The following STAT4 variants were observed in gnomAD, a reference collection of about 807,000 sequenced individuals.
STAT4 encodes signal transducer and activator of transcription 4.
A neutral mutation model predicts 110.5 loss-of-function variants in STAT4; 42 were observed. The observed-to-expected ratio is 0.38, with a 90% confidence interval of 0.30 to 0.49. The LOEUF (loss-of-function observed/expected upper bound fraction) is 0.49. Ranked by LOEUF, STAT4 falls within the 20% of genes least tolerant of loss-of-function variation. STAT4 has a pLI of 0.95. For synonymous variants in STAT4, 284 were observed against 302.2 expected (o/e 0.94, Z 0.63); for missense variants, 632 against 887.9 (o/e 0.71, Z 3.66).
intron 6 of STAT4, among the ~76,000 whole-genome samples, chr2:191,067,727 C>T (rs574160555): frequency 1.3e-5 from 2 of 152,238 alleles, no homozygotes; most frequent in South Asian, 4.1e-4. Flanking sequence ...CCTTTTTCTC[C>T]TACTGATCTA....
At position 191,061,852 on chromosome 2, in the gene STAT4, T is replaced by C; in HGVS notation, c.942-31A>G. ...TGAAAAGGAAATAAAGCGCATCATT[T>C]GAAAACACTGAAAATATTGAGACTG... On this transcript the variant is annotated intron_variant, in intron 9 of 23. Transcript: ENST00000392320. The surrounding 1 kb of genome is among the most constrained non-coding windows in gnomAD (Gnocchi z 6.2). The C allele has an allele frequency of 6.3e-7, 1 of 1,588,206 alleles. No homozygotes were observed. The highest frequency in any genetic ancestry group is 1.1e-5 in the South Asian group (1 of 89,224).
rs113097443 is a variant in STAT4 at position 191,116,249 on chromosome 2, G to C, written c.273+30364C>G. Among the ~76,000 whole-genome samples the C allele has an allele frequency of 2.0e-5, 3 of 152,284 alleles. No homozygotes were observed. Among genetic ancestry groups the C allele is most frequent in the African/African-American group, 7.2e-5 (3 of 41,562 alleles). On this transcript the variant is annotated intron_variant, in intron 3 of 23. Coordinates refer to ENST00000392320, the MANE Select transcript of STAT4 (RefSeq NM_003151.4). The surrounding 1 kb of genome is among the most constrained non-coding windows in gnomAD (Gnocchi z 4.1). Reference sequence around the variant, plus strand: ...GAGGGAATTGGTTTGATAATACAGTGCTTTTACACCTATGATACGACACCA... The same window carrying C: ...GAGGGAATTGGTTTGATAATACAGTCCTTTTACACCTATGATACGACACCA...
intron 3 of STAT4, among the ~76,000 whole-genome samples, chr2:191,098,277 G>T (rs1698061639): frequency 6.6e-6 from 1 of 152,160 alleles, no homozygotes; most frequent in African/African-American, 2.4e-5. Context: ...ACATCCAAAG[G>T]ATTATAAATC....
intron 3 of STAT4, among the ~76,000 whole-genome samples, chr2:191,089,208 AAAGC>A (rs140809338): frequency 0.028 from 4,201 of 152,282 alleles, 176 homozygotes; most frequent in African/African-American, 0.092. Flanking sequence ...ATATTTTTAA[AAAGC>A]AAGAAAACAA....
chr2:191,076,328 GA>G lies in STAT4; in HGVS notation c.274-4del, dbSNP rs760220932. 341 of 1,420,446 alleles carry G rather than the reference GA, an allele frequency of 2.4e-4. No homozygotes were observed. The highest frequency in any genetic ancestry group is 4.1e-4 in the Admixed American group (19 of 46,144). The allele number at this position is 1,420,446 out of a possible 1,614,324, so 88.0% of individuals were successfully genotyped here. A position where few individuals can be genotyped will look rare whatever the true frequency, so the allele number is the denominator to read the frequency against. ...ATTGGATTTCCATGAAATTTTCCCT[GA>G]AAAAAAAAACAATGAGCAAAAATAA... On this transcript the variant is annotated splice_region_variant and splice_polypyrimidine_tract_variant and intron_variant, in intron 3 of 23. Coordinates refer to ENST00000392320, the MANE Select transcript of STAT4 (RefSeq NM_003151.4).
chr2:191,129,797 GC>G (rs1264683503), intron 3 of STAT4, among the ~76,000 whole-genome samples: 2 of 152,138 alleles, frequency 1.3e-5, no homozygotes, highest in African/African-American at 4.8e-5. Context: ...TTATGAGACA[GC>G]CCCAGCTCAT....
Position 191,076,328 on chromosome 2 carries a change from GAA to G in STAT4, c.274-5_274-4del, listed in dbSNP as rs760220932. On this transcript the variant is annotated splice_region_variant and splice_polypyrimidine_tract_variant and intron_variant, in intron 3 of 23. Coordinates refer to ENST00000392320, the MANE Select transcript of STAT4 (RefSeq NM_003151.4). ...ATTGGATTTCCATGAAATTTTCCCT[GAA>G]AAAAAAAACAATGAGCAAAAATAAC... 9 of 1,423,478 alleles carry G rather than the reference GAA, an allele frequency of 6.3e-6. No individual in the cohort carries two copies. The South Asian group carries it at 9.5e-5, about 15-fold the overall frequency. 88.2% of individuals were successfully genotyped at this position (1,423,478 alleles called of 1,614,324 possible).
Position 191,058,589 on chromosome 2 carries a change from C to A in STAT4, c.1094+121G>T. On this transcript the variant is annotated intron_variant, in intron 11 of 23. Coordinates refer to ENST00000392320, the MANE Select transcript of STAT4 (RefSeq NM_003151.4). The surrounding 1 kb of genome is among the most constrained non-coding windows in gnomAD (Gnocchi z 4.3). The stretch of plus-strand genomic sequence containing the variant: ...CAAAGTCAAATATTTGAAGTACATT[C>A]ATTATATAATGTTAGATAAGTAAAT... 1.5e-6 allele frequency: 1 copy of A among 656,596 alleles called. No individual in the cohort carries two copies. The allele number at this position is 656,596 out of a possible 1,614,324, so 40.7% of individuals were successfully genotyped here. A position where few individuals can be genotyped will look rare whatever the true frequency, so the allele number is the denominator to read the frequency against.
intron 4 of STAT4, among the ~76,000 whole-genome samples, chr2:191,075,630 T>C (rs1697292849): frequency 6.6e-6 from 1 of 152,072 alleles, no homozygotes; most frequent in Admixed American, 6.6e-5. Flanking sequence ...GTGTGGCCAG[T>C]ACAAATGGGA....
At chr2:191,102,167 G>A (rs1272147834) in intron 3 of STAT4, among the ~76,000 whole-genome samples, 1 of 151,944 alleles carries the variant, frequency 6.6e-6, no homozygotes, top group Non-Finnish European at 1.5e-5. Flanking sequence ...TTAGCAGCAG[G>A]ATATAAATAA....
intron 14 of STAT4, among the ~76,000 whole-genome samples, chr2:191,052,346 G>C (rs1696551648): frequency 6.6e-6 from 1 of 152,154 alleles, no homozygotes; most frequent in Non-Finnish European, 1.5e-5. Context: ...TCTGCCAACA[G>C]GTGGAGCTCA....
intron 3 of STAT4, among the ~76,000 whole-genome samples, chr2:191,145,483 C>T (rs1699439028): frequency 6.6e-6 from 1 of 152,102 alleles, no homozygotes. Flanking sequence ...AATAAAGCCA[C>T]CATTAAATGA....
intron 3 of STAT4, among the ~76,000 whole-genome samples, chr2:191,125,415 T>C (rs1698850868): frequency 6.6e-6 from 1 of 151,744 alleles, no homozygotes; most frequent in Admixed American, 6.6e-5. Flanking sequence ...AATCAGAGCA[T>C]ATGGTAATAG....
chr2:191,141,562 C>T (rs1036099446), intron 3 of STAT4, among the ~76,000 whole-genome samples: 4 of 144,316 alleles, frequency 2.8e-5, no homozygotes, highest in African/African-American at 5.1e-5. Flanking sequence ...TTTATATATA[C>T]CATATATGAT....
Position 191,062,596 on chromosome 2 carries a change from G to A in STAT4, c.941+166C>T, listed in dbSNP as rs1696880082. Among the ~76,000 whole-genome samples the A allele has an allele frequency of 6.6e-6, 1 of 152,180 alleles. No homozygotes were observed. The highest frequency in any genetic ancestry group is 1.5e-5 in the Non-Finnish European group (1 of 68,022). ...AGAGAAGTGTTGATGAATAAATAGTGAAGAGTAGAAATGTGGTTTCTAAAA... is the reference window on the plus strand; with the variant it reads ...AGAGAAGTGTTGATGAATAAATAGTAAAGAGTAGAAATGTGGTTTCTAAAA... On this transcript the variant is annotated intron_variant, in intron 9 of 23. Coordinates refer to ENST00000392320, the MANE Select transcript of STAT4 (RefSeq NM_003151.4). This position sits in a 1 kb window ranked among gnomAD's most constrained non-coding sequence, Gnocchi z 4.9.
chr2:191,141,454 TATATACATATGTATATC>T (rs1699325011), intron 3 of STAT4, among the ~76,000 whole-genome samples: 1 of 28,730 alleles, frequency 3.5e-5, no homozygotes. Flanking sequence ...GTATATCACA[TATATACATATGTATATC>T]ACATACATAC....
intron 4 of STAT4, among the ~76,000 whole-genome samples, chr2:191,075,187 T>C (rs890127974): frequency 2.0e-5 from 3 of 152,042 alleles, no homozygotes; most frequent in African/African-American, 7.2e-5. Flanking sequence ...AAAACTTTTG[T>C]TGGACCTTCA....
At chr2:191,131,240 T>C (rs556931980) in intron 3 of STAT4, among the ~76,000 whole-genome samples, 2 of 151,996 alleles carry the variant, frequency 1.3e-5, no homozygotes, top group East Asian at 3.9e-4. Flanking sequence ...TTCTTACATA[T>C]GTGCCCCAAG....
intron 3 of STAT4, among the ~76,000 whole-genome samples, chr2:191,120,416 A>T (rs899383654): frequency 2.6e-5 from 4 of 152,168 alleles, no homozygotes; most frequent in Admixed American, 6.5e-5. Context: ...TACAAAAATA[A>T]AAATAGAAAA....
Sources: gnomAD v4.1 joint callset for allele counts (sites outside exome capture counted in the v4.1 genomes callset) on GRCh38, gnomAD v4.1.1 for gene constraint, Gnocchi (gnomAD v3.1) non-coding constraint, MANE v1.5 for transcripts, NCBI Gene and HGNC (gene_info 2026-07-23, HGNC 2026-07-21) for gene names.